Variants in CNTN6 observed in about 807,000 individuals in gnomAD.
CNTN6 encodes contactin 6, also known as contactin-6.
Under a neutral mutation model 122.8 loss-of-function variants are expected in CNTN6, and 137 were observed. That is an observed-to-expected ratio of 1.12 (90% CI 0.97 to 1.29). The LOEUF is 1.29. CNTN6 is among the 50% of genes most tolerant of loss of function. CNTN6 has a pLI of 0.00. For synonymous variants in CNTN6, 570 were observed against 426.0 expected, an observed-to-expected ratio of 1.34 and a Z score of -4.16; for missense variants, 1,634 against 1,223.4, an observed-to-expected ratio of 1.34 and a Z score of -5.01.
rs566193093 is a variant in CNTN6, at chr3:1,365,445, A to G, written c.1493-6854A>G. 4.6e-5 allele frequency among the ~76,000 whole-genome samples: 7 copies of G among 152,184 alleles called. No individual in the cohort carries two copies. The South Asian group carries it at 1.4e-3, about 32-fold the overall frequency. ...GTGTATGCATGTTAAATAAAAACAC[A>G]TATATTTTATATGTGAATATATGAC... On this transcript the variant is annotated intron_variant, in intron 12 of 22. Coordinates refer to ENST00000446702, the MANE Select transcript of CNTN6 (RefSeq NM_001289080.2).
intron 12 of CNTN6, among the ~76,000 whole-genome samples, chr3:1,370,305 A>T (rs1432369682): frequency 6.6e-6 from 1 of 152,030 alleles, no homozygotes; most frequent in Non-Finnish European, 1.5e-5. Flanking sequence ...CAATGAGAAC[A>T]CATGGACACA....
intron 2 of CNTN6, among the ~76,000 whole-genome samples, chr3:1,182,602 GTT>G (rs772899306): frequency 1.4e-4 from 20 of 144,802 alleles, no homozygotes; most frequent in Non-Finnish European, 1.8e-4. Context: ...CTTTTCCTTA[GTT>G]TTTTTTTTTT....
rs147254743 is a variant in CNTN6 at position 1,158,969 on chromosome 3, C to CATATAT, written c.55+10916_55+10921dup. 9.7e-5 allele frequency among the ~76,000 whole-genome samples: 11 copies of CATATAT among 112,982 alleles called. 1 individual carries two copies. The East Asian group carries it at 3.2e-3, about 33-fold the overall frequency. 74.1% of individuals were successfully genotyped at this position (112,982 alleles called of 152,430 possible). A position where few individuals can be genotyped will look rare whatever the true frequency, so the allele number is the denominator to read the frequency against. ...ATATATATATACACACACACACACA[C>CATATAT]ATATATATATATATAGACAAGGTCT... is the stretch of plus-strand genomic sequence containing the variant. On this transcript the variant is annotated intron_variant, in intron 2 of 22. Transcript: ENST00000446702.
At chr3:1,169,367 C>G (rs1424492680) in intron 2 of CNTN6, among the ~76,000 whole-genome samples, 3 of 152,214 alleles carry the variant, frequency 2.0e-5, no homozygotes, top group Non-Finnish European at 4.4e-5. Context: ...ATTCAACCGC[C>G]TTCCTCAGCT....
At chr3:1,384,760 CATATATAT>C (rs1265155889) in intron 19 of CNTN6, among the ~76,000 whole-genome samples, 47 of 100,080 alleles carry the variant, frequency 4.7e-4, no homozygotes, top group African/African-American at 1.4e-3. Context: ...CATATATATA[CATATATAT>C]ACACATATAT....
At chr3:1,220,943 GC>G in intron 3 of CNTN6, 130 bp downstream of exon 3, 4 of 940,466 alleles carry the variant, frequency 4.3e-6, no homozygotes, top group Middle Eastern at 2.4e-4. Flanking sequence ...CTACGGGTAT[GC>G]AGCCATGTGA....
chr3:1,356,844 C>A (rs1023127485), intron 12 of CNTN6, among the ~76,000 whole-genome samples: 1 of 151,782 alleles, frequency 6.6e-6, no homozygotes, highest in African/African-American at 2.4e-5. Flanking sequence ...TTATACTGGT[C>A]AGATGAAAAA....
intron 7 of CNTN6, among the ~76,000 whole-genome samples, chr3:1,311,578 T>C (rs1159088431): frequency 6.7e-6 from 1 of 149,264 alleles, no homozygotes; most frequent in Non-Finnish European, 1.5e-5. Context: ...TATATACACA[T>C]ATATGTATAT....
intron 2 of CNTN6, among the ~76,000 whole-genome samples, chr3:1,159,895 A>G (rs2093083985): frequency 6.6e-6 from 1 of 151,840 alleles, no homozygotes; most frequent in Non-Finnish European, 1.5e-5. Context: ...GTCTCAGCTC[A>G]CTGCAACTTC....
In CNTN6 at chr3:1,156,633, C is replaced by T. The variant is rs200826262; in HGVS notation, c.55+8570C>T. Reference sequence around the variant, plus strand: ...CTTTTTCTTTTCTTTCTTTCTTTCTCTTTCTTTCTTTCTTGCTCTTGCTCT... The same window carrying T: ...CTTTTTCTTTTCTTTCTTTCTTTCTTTTTCTTTCTTTCTTGCTCTTGCTCT... On this transcript the variant is annotated intron_variant, in intron 2 of 22. Coordinates refer to ENST00000446702, the MANE Select transcript of CNTN6 (RefSeq NM_001289080.2). Among the ~76,000 whole-genome samples, 9 of 134,298 alleles carry T rather than the reference C, an allele frequency of 6.7e-5. No homozygotes were observed. In the East Asian group the frequency reaches 1.2e-3, roughly 18 times the overall value. The allele number at this position is 134,298 out of a possible 152,430, so 88.1% of individuals were successfully genotyped here.
chr3:1,253,418 T>C (rs979615106), intron 4 of CNTN6, among the ~76,000 whole-genome samples: 8 of 152,334 alleles, frequency 5.3e-5, no homozygotes, highest in Non-Finnish European at 1.2e-4. Context: ...AATTATTATA[T>C]GTTGATAAAT....
intron 9 of CNTN6, 71 bp downstream of exon 9, chr3:1,326,022 A>G (rs1701496529): frequency 1.5e-6 from 2 of 1,300,354 alleles, no homozygotes; most frequent in East Asian, 2.4e-5. Context: ...CAGTACTAGT[A>G]ACTAACAGAA....
chr3:1,365,562 C>G (rs1340726727), intron 12 of CNTN6, among the ~76,000 whole-genome samples: 2 of 151,924 alleles, frequency 1.3e-5, no homozygotes, highest in African/African-American at 4.8e-5. Context: ...GATATACTTC[C>G]ATTTCTATGT....
rs772096235 is a variant in CNTN6 at position 1,321,657 on chromosome 3, C to G, written c.769C>G (p.Pro257Ala). 1.9e-6 allele frequency: 3 copies of G among 1,610,334 alleles called. No individual in the cohort carries two copies. Among genetic ancestry groups the G allele is most frequent in the Non-Finnish European group, 1.7e-6 (2 of 1,177,908 alleles). ...LECFALGNPV[P>A]DISWRRLDGS... ...TGAGGTGTAACTGTTTAGTCCAGTC[C>G]CCGATATTAGTTGGAGAAGGTTGGA... Residue 257 changes from proline (P) to alanine (A), a missense_variant, in exon 8 of 23, where the codon CCC becomes GCC. Physicochemically the swap from Pro to Ala is conservative, Grantham distance 27. Transcript: ENST00000446702.
At chr3:1,153,754 A>G (rs1199065402) in intron 2 of CNTN6, among the ~76,000 whole-genome samples, 1 of 152,196 alleles carries the variant, frequency 6.6e-6, no homozygotes, top group Non-Finnish European at 1.5e-5. Context: ...GAGAGAGAAA[A>G]CCAGAAGAAT....
intron 2 of CNTN6, among the ~76,000 whole-genome samples, chr3:1,182,564 A>T (rs1486377860): frequency 6.7e-6 from 1 of 150,216 alleles, no homozygotes; most frequent in African/African-American, 2.5e-5. Flanking sequence ...CTGTATTAAG[A>T]AAAAGGCAAT....
intron 1 of CNTN6, among the ~76,000 whole-genome samples, chr3:1,115,057 C>T (rs947176244): frequency 4.6e-5 from 7 of 152,058 alleles, no homozygotes; most frequent in Non-Finnish European, 1.0e-4. Flanking sequence ...GCTGCAGGAG[C>T]AGCACAATTT....
At chr3:1,320,733 T>C (rs911788632) in intron 7 of CNTN6, among the ~76,000 whole-genome samples, 1 of 151,766 alleles carries the variant, frequency 6.6e-6, no homozygotes, top group Non-Finnish European at 1.5e-5. Context: ...AGTTTAGTAG[T>C]GAATATTTTC....
At chr3:1,115,558 G>A (rs2091682933) in intron 1 of CNTN6, among the ~76,000 whole-genome samples, 1 of 152,112 alleles carries the variant, frequency 6.6e-6, no homozygotes. Context: ...GACCAGCCTG[G>A]CCAATATGGT....
Sources: allele counts gnomAD v4.1 joint callset (sites outside exome capture counted in the v4.1 genomes callset), GRCh38; gene constraint gnomAD v4.1.1; transcripts MANE v1.5; gene names NCBI Gene and HGNC (gene_info 2026-07-23, HGNC 2026-07-21).